Variants in NLRP14 observed in about 807,000 individuals in gnomAD.
The protein encoded by NLRP14 is NACHT, LRR and PYD domains-containing protein 14.
NLRP14 carries 105 observed loss-of-function variants against 94.7 expected under a neutral mutation model. That is an observed-to-expected ratio of 1.11 (90% CI 0.95 to 1.30). The LOEUF (loss-of-function observed/expected upper bound fraction) is 1.30. NLRP14 is among the 50% of genes most tolerant of loss of function. The pLI, the probability that NLRP14 is intolerant of heterozygous loss-of-function variation, is 0.00. For synonymous variants in NLRP14, 508 were observed against 459.9 expected (o/e 1.10, Z -1.34); for missense variants, 1,362 against 1,254.1 (o/e 1.09, Z -1.30).
the NLRP14 span, among the ~76,000 whole-genome samples, chr11:7,077,317 G>A: frequency 3.3e-5 from 5 of 152,210 alleles, no homozygotes; most frequent in African/African-American, 1.2e-4. Flanking sequence ...GGACAGCGCC[G>A]AGAGCCCACA....
intron 6 of NLRP14, 90 bp from the exon 7 acceptor site, chr11:7,057,587 A>G (rs1852534613): frequency 3.2e-6 from 4 of 1,252,686 alleles, no homozygotes; most frequent in East Asian, 2.3e-5. Flanking sequence ...TCCAAAGATT[A>G]GGAAACTTCC....
intron 1 of NLRP14, among the ~76,000 whole-genome samples, chr11:7,022,753 G>A: frequency 6.6e-6 from 1 of 152,118 alleles, no homozygotes; most frequent in Non-Finnish European, 1.5e-5. Flanking sequence ...TTCCTGGAGA[G>A]CAAAAGAATA....
chr11:7,039,234 G>A (rs753755793), intron 2 of NLRP14, among the ~76,000 whole-genome samples: 1 of 152,242 alleles, frequency 6.6e-6, no homozygotes, highest in South Asian at 2.1e-4. Context: ...CATATTTGCT[G>A]AAATATGAGG....
At chr11:7,084,287 G>C in the NLRP14 span, among the ~76,000 whole-genome samples, 2 of 152,130 alleles carry the variant, frequency 1.3e-5, no homozygotes, top group East Asian at 3.9e-4. Flanking sequence ...TAAGAAATAT[G>C]TTTTGTTTCT....
At chr11:7,061,242 G>A (rs1852615580) in intron 9 of NLRP14, among the ~76,000 whole-genome samples, 1 of 152,020 alleles carries the variant, frequency 6.6e-6, no homozygotes, top group South Asian at 2.1e-4. Context: ...CTTACTTTAG[G>A]AAAATGTAGA....
At chr11:7,026,224 C>G (rs961719653) in intron 1 of NLRP14, among the ~76,000 whole-genome samples, 1 of 152,086 alleles carries the variant, frequency 6.6e-6, no homozygotes, top group Non-Finnish European at 1.5e-5. Context: ...AGGCAACCTA[C>G]AGAATGGGAG....
At chr11:7,075,323 C>A (rs1266402585), downstream of NLRP14, among the ~76,000 whole-genome samples, 1 of 152,142 alleles carries the variant, frequency 6.6e-6, no homozygotes, top group Non-Finnish European at 1.5e-5. Context: ...AAAATTTCAA[C>A]ATTTAATTAA....
intron 8 of NLRP14, among the ~76,000 whole-genome samples, 168 bp downstream of exon 8, chr11:7,058,618 CTCTGGA>C (rs145918015): frequency 0.031 from 4,702 of 152,054 alleles, 96 homozygotes; most frequent in Middle Eastern, 0.068. Context: ...CCTAACTCTA[CTCTGGA>C]TCTTGTTTTA....
intron 10 of NLRP14, among the ~76,000 whole-genome samples, chr11:7,069,737 C>G (rs1440641965): frequency 6.6e-6 from 1 of 152,100 alleles, no homozygotes; most frequent in East Asian, 1.9e-4. Flanking sequence ...AGCAATTCTC[C>G]TCCCTCAGCC....
At chr11:7,069,631 A>AT (rs1458214447) in intron 10 of NLRP14, among the ~76,000 whole-genome samples, 11 of 57,274 alleles carry the variant, frequency 1.9e-4, no homozygotes, top group Admixed American at 4.9e-4. Context: ...TGCTTATTTT[A>AT]TTTTATTTTT....
At chr11:7,087,392 C>A in the NLRP14 span, among the ~76,000 whole-genome samples, 1 of 152,180 alleles carries the variant, frequency 6.6e-6, no homozygotes, top group Non-Finnish European at 1.5e-5. Context: ...CCTGGTCTTC[C>A]TTGCTTGGAG....
the NLRP14 span, among the ~76,000 whole-genome samples, chr11:7,077,894 C>T: frequency 6.6e-6 from 1 of 151,516 alleles, no homozygotes; most frequent in Non-Finnish European, 1.5e-5. Flanking sequence ...AGAGGGGGTT[C>T]CCAGTAGTCA....
At chr11:7,042,184 T>C (rs1482806590) in intron 3 of NLRP14, among the ~76,000 whole-genome samples, 1 of 152,126 alleles carries the variant, frequency 6.6e-6, no homozygotes, top group Non-Finnish European at 1.5e-5. Flanking sequence ...CTGGTTTTTA[T>C]TACAGTATCT....
intron 6 of NLRP14, among the ~76,000 whole-genome samples, chr11:7,052,536 G>T (rs1179189339): frequency 1.3e-5 from 2 of 152,158 alleles, no homozygotes; most frequent in Non-Finnish European, 2.9e-5. Flanking sequence ...AGGAGGCTGA[G>T]ACAGGAGAAT....
Position 7,058,433 on chromosome 11 carries a change from T to C in NLRP14, c.2616T>C (p.Cys872=). Residue 872 remains cysteine, a synonymous_variant, in exon 8 of 12, where the codon TGT becomes TGC. Coordinates refer to ENST00000299481, the MANE Select transcript of NLRP14 (RefSeq NM_176822.4). The part of the protein sequence containing the change: ...LMSDALQHAQ[C]TLKSLVLRRC... ...GTGATGCCCTGCAACATGCACAATG[T>C]ACTCTGAAGAGCCTTGTGTAAGTGT... is the stretch of plus-strand genomic sequence containing the variant. 1 of 1,611,748 alleles carries C rather than the reference T, an allele frequency of 6.2e-7. No homozygotes were observed.
chr11:7,087,676 C>T, the NLRP14 span, among the ~76,000 whole-genome samples: 5 of 151,648 alleles, frequency 3.3e-5, no homozygotes, highest in Non-Finnish European at 7.4e-5. Flanking sequence ...GGCAGTCATT[C>T]GAAAAAGTAG....
At chr11:7,083,873 T>G in the NLRP14 span, among the ~76,000 whole-genome samples, 1 of 152,112 alleles carries the variant, frequency 6.6e-6, no homozygotes, top group African/African-American at 2.4e-5. Context: ...TCTTACTGAT[T>G]TTCCTATGGG....
chr11:7,048,094 T>C (rs1047100071), intron 5 of NLRP14, among the ~76,000 whole-genome samples: 3 of 152,188 alleles, frequency 2.0e-5, no homozygotes, highest in African/African-American at 7.2e-5. Context: ...AAATGTCTTC[T>C]AAAATTTATC....
At chr11:7,035,364 C>A (rs537201670) in intron 1 of NLRP14, among the ~76,000 whole-genome samples, 1 of 152,246 alleles carries the variant, frequency 6.6e-6, no homozygotes, top group South Asian at 2.1e-4. Context: ...AGAGGTTAGA[C>A]TCTTGAAGTT....
Sources: allele counts gnomAD v4.1 joint callset (sites outside exome capture counted in the v4.1 genomes callset), GRCh38; gene constraint gnomAD v4.1.1; transcripts MANE v1.5; gene names NCBI Gene and HGNC (gene_info 2026-07-23, HGNC 2026-07-21).